NEGR1: variants seen among roughly 807,000 people sequenced by gnomAD.
NEGR1 encodes neuronal growth regulator 1.
A neutral mutation model predicts 40.9 loss-of-function variants in NEGR1; 10 were observed. The ratio of observed to expected loss-of-function variants is 0.24; its 90% CI spans 0.15 to 0.42. NEGR1 has a LOEUF of 0.42. Among genes scored for constraint, NEGR1 ranks in the 10% least tolerant of loss-of-function variants. The pLI, the probability that NEGR1 is intolerant of heterozygous loss-of-function variation, is 1.00. For missense variants in NEGR1, 352 were observed against 438.9 expected (o/e 0.80, Z 1.77); for synonymous variants, 185 against 166.8 (o/e 1.11, Z -0.84).
chr1:71,695,882 A>G (rs1299804144), intron 4 of NEGR1, among the ~76,000 whole-genome samples: 1 of 151,790 alleles, frequency 6.6e-6, no homozygotes. Flanking sequence ...GTTTGCTGCC[A>G]TTATATATTT....
chr1:72,248,229 T>C (rs567411722), intron 1 of NEGR1, among the ~76,000 whole-genome samples: 9 of 152,122 alleles, frequency 5.9e-5, no homozygotes, highest in Non-Finnish European at 7.3e-5. Context: ...CAATAGATAC[T>C]CAGTCTTTGA....
At chr1:71,547,553 TAGAAAG>T (rs1391236886) in intron 6 of NEGR1, among the ~76,000 whole-genome samples, 1 of 151,660 alleles carries the variant, frequency 6.6e-6, no homozygotes, top group African/African-American at 2.4e-5. Context: ...AGAAACAGAA[TAGAAAG>T]AGAAAGATAT....
intron 4 of NEGR1, among the ~76,000 whole-genome samples, chr1:71,681,456 G>T (rs1221222371): frequency 6.6e-6 from 1 of 152,148 alleles, no homozygotes; most frequent in Non-Finnish European, 1.5e-5. Flanking sequence ...TTGCTGCTGA[G>T]AAATCAACAG....
intron 6 of NEGR1, among the ~76,000 whole-genome samples, chr1:71,470,490 T>C (rs1459421043): frequency 1.3e-5 from 2 of 152,232 alleles, no homozygotes; most frequent in Admixed American, 1.3e-4. Context: ...TTATGAATTA[T>C]ATACCTGTTT....
chr1:71,662,396 A>G (rs976800436), intron 4 of NEGR1, among the ~76,000 whole-genome samples: 1 of 152,186 alleles, frequency 6.6e-6, no homozygotes, highest in Non-Finnish European at 1.5e-5. Flanking sequence ...ACGGAACTCA[A>G]AAGCAGCTAT....
At chr1:72,187,477 C>T (rs1264938850) in intron 1 of NEGR1, among the ~76,000 whole-genome samples, 1 of 151,408 alleles carries the variant, frequency 6.6e-6, no homozygotes, top group Admixed American at 6.6e-5. Flanking sequence ...CTACTCATAA[C>T]AGATCACTGA....
chr1:71,854,261 G>T (rs1337603036), intron 2 of NEGR1, among the ~76,000 whole-genome samples: 1 of 151,856 alleles, frequency 6.6e-6, no homozygotes. Context: ...TGCTCCCCCT[G>T]TGAGCTCTCA....
At chr1:72,180,354 A>C (rs1652319741) in intron 1 of NEGR1, among the ~76,000 whole-genome samples, 1 of 152,060 alleles carries the variant, frequency 6.6e-6, no homozygotes, top group Admixed American at 6.6e-5. Context: ...CAAAAACTAT[A>C]ACATTCATAA....
At chr1:71,609,512 CTCAAAAAAAAAAAAAAA>C (rs1650177691) in intron 5 of NEGR1, among the ~76,000 whole-genome samples, 1 of 9,528 alleles carries the variant, frequency 1.0e-4, no homozygotes, top group Non-Finnish European at 3.1e-4. Flanking sequence ...AAGACTCCGT[CTCAAAAAAAAAAAAAAA>C]AAAAAAAAAA....
rs899649054 is a variant in NEGR1 at position 72,282,257 on chromosome 1, G to C, written c.176+62C>G. The C allele has an allele frequency of 3.8e-6, 6 of 1,579,006 alleles. No individual in the cohort carries two copies. In the Admixed American group the frequency reaches 8.6e-5, roughly 23 times the overall value. On this transcript the variant is annotated intron_variant, in intron 1 of 6. Transcript: ENST00000357731. Reference sequence around the variant, plus strand: ...CTTGTGTTATAAAGAAGGCAAAGAGGGTTCAAAGAGAGACAGAAAGATAGA... The same window carrying C: ...CTTGTGTTATAAAGAAGGCAAAGAGCGTTCAAAGAGAGACAGAAAGATAGA...
chr1:71,713,214 A>G (rs796474996), intron 3 of NEGR1, among the ~76,000 whole-genome samples: 12 of 152,314 alleles, frequency 7.9e-5, no homozygotes, highest in African/African-American at 2.6e-4. Context: ...TTTTTGTCGG[A>G]AAGATTATTG....
At chr1:71,914,223 G>A (rs1015243566) in intron 2 of NEGR1, among the ~76,000 whole-genome samples, 3 of 152,174 alleles carry the variant, frequency 2.0e-5, no homozygotes, top group East Asian at 1.9e-4. Flanking sequence ...CCTGAGGACA[G>A]GAATACATTA....
At chr1:71,435,881 T>G (rs895659874) in intron 6 of NEGR1, among the ~76,000 whole-genome samples, 1 of 152,188 alleles carries the variant, frequency 6.6e-6, no homozygotes, top group South Asian at 2.1e-4. Flanking sequence ...CTCCATGAGT[T>G]CAACATGGAA....
At chr1:71,737,957 C>T (rs1010423447) in intron 3 of NEGR1, among the ~76,000 whole-genome samples, 2 of 152,114 alleles carry the variant, frequency 1.3e-5, no homozygotes, top group Non-Finnish European at 2.9e-5. Context: ...GAGCCAGCAC[C>T]TGCTGGGTAC....
intron 2 of NEGR1, among the ~76,000 whole-genome samples, chr1:71,881,080 T>A (rs1660571196): frequency 6.6e-6 from 1 of 152,024 alleles, no homozygotes; most frequent in African/African-American, 2.4e-5. Context: ...ACTTTTTACC[T>A]ACACAGGATT....
chr1:71,493,835 A>G (rs925345129), intron 6 of NEGR1, among the ~76,000 whole-genome samples: 1 of 152,178 alleles, frequency 6.6e-6, no homozygotes, highest in Non-Finnish European at 1.5e-5. Context: ...TCCAGAATTT[A>G]TGTGTTTTGC....
At chr1:71,452,968 G>T (rs1452209329) in intron 6 of NEGR1, among the ~76,000 whole-genome samples, 2 of 152,016 alleles carry the variant, frequency 1.3e-5, no homozygotes, top group African/African-American at 2.4e-5. Context: ...TAATACATAG[G>T]TCATGAATAC....
intron 6 of NEGR1, among the ~76,000 whole-genome samples, chr1:71,491,281 T>G (rs1376535061): frequency 2.0e-5 from 3 of 152,086 alleles, no homozygotes; most frequent in African/African-American, 7.2e-5. Flanking sequence ...ATGGAAATAC[T>G]ATACCACTTT....
At chr1:72,097,873 G>T (rs1463281578) in intron 1 of NEGR1, among the ~76,000 whole-genome samples, 1 of 152,156 alleles carries the variant, frequency 6.6e-6, no homozygotes, top group Non-Finnish European at 1.5e-5. Context: ...TAAAATGTTT[G>T]AAAATGATCA....
Sources: allele counts gnomAD v4.1 joint callset (sites outside exome capture counted in the v4.1 genomes callset), GRCh38; gene constraint gnomAD v4.1.1; transcripts MANE v1.5; gene names NCBI Gene and HGNC (gene_info 2026-07-23, HGNC 2026-07-21).